The following TFDP1 variants were observed in gnomAD, a reference collection of about 807,000 sequenced individuals.
The protein encoded by TFDP1 is DRTF1-polypeptide 1.
In TFDP1, 6 loss-of-function variants were observed where a neutral mutation model predicts 48.0. The ratio of observed to expected loss-of-function variants is 0.13; its 90% CI spans 0.07 to 0.25. The LOEUF is 0.25. Ranked by LOEUF, TFDP1 falls within the 10% of genes least tolerant of loss-of-function variation. The pLI is 1.00. For missense variants in TFDP1, 335 were observed against 543.0 expected (o/e 0.62, Z 3.81); for synonymous variants, 201 against 211.6 (o/e 0.95, Z 0.44).
chr13:113,609,096 C>T (rs934886012), intron 2 of TFDP1, among the ~76,000 whole-genome samples: 2 of 152,266 alleles, frequency 1.3e-5, no homozygotes, highest in Non-Finnish European at 2.9e-5. Context: ...GCCAGCGTAG[C>T]CCTCTGCGGG....
intron 9 of TFDP1, 21 bp downstream of exon 9, chr13:113,636,149 T>C (rs768438285): frequency 6.2e-7 from 1 of 1,612,498 alleles, no homozygotes; most frequent in Non-Finnish European, 8.5e-7. Flanking sequence ...GGCGGGGAGC[T>C]GTTCCCTGGT....
intron 2 of TFDP1, among the ~76,000 whole-genome samples, chr13:113,591,186 A>G (rs963841532): frequency 1.3e-5 from 2 of 149,470 alleles, no homozygotes; most frequent in African/African-American, 4.9e-5. Context: ...TACTAAACAT[A>G]CAGAAATTAG....
At chr13:113,593,566 C>T (rs1186620473) in intron 2 of TFDP1, among the ~76,000 whole-genome samples, 11 of 144,440 alleles carry the variant, frequency 7.6e-5, no homozygotes, top group African/African-American at 1.9e-4. Context: ...GGTCCTCAGC[C>T]GTGCCCAGGT....
intron 2 of TFDP1, among the ~76,000 whole-genome samples, chr13:113,605,416 T>A (rs1021947622): frequency 6.6e-6 from 1 of 152,224 alleles, no homozygotes; most frequent in Admixed American, 6.5e-5. Context: ...GTATTACTTA[T>A]CTATTGCTGT....
At chr13:113,634,374 A>G (rs1184664037) in intron 7 of TFDP1, 160 bp from the exon 8 acceptor site, 6 of 676,660 alleles carry the variant, frequency 8.9e-6, no homozygotes, top group Non-Finnish European at 1.3e-5. Flanking sequence ...AAACTCACCT[A>G]TATCTTGTAG....
At chr13:113,618,878 C>T (rs867114843) in intron 3 of TFDP1, among the ~76,000 whole-genome samples, 4 of 152,166 alleles carry the variant, frequency 2.6e-5, no homozygotes, top group Non-Finnish European at 4.4e-5. Flanking sequence ...TTGCAGAATG[C>T]GAGCCATATA....
At position 113,601,997 on chromosome 13, in the gene TFDP1, C is replaced by T. The variant is rs112317277; in HGVS notation, c.13-8999C>T. ...CGGACAGAGGAGGGACGGAGCTACCCGCAGGAGTCGAGGGAGGAGCGGACA... is the reference window on the plus strand; with the variant it reads ...CGGACAGAGGAGGGACGGAGCTACCTGCAGGAGTCGAGGGAGGAGCGGACA... On this transcript the variant is annotated intron_variant, in intron 2 of 11. Transcript: ENST00000375370. 4.5e-3 allele frequency among the ~76,000 whole-genome samples: 675 copies of T among 151,134 alleles called. 1 individual carries two copies. The highest frequency in any genetic ancestry group is 0.01 in the Middle Eastern group (3 of 288).
At chr13:113,605,659 C>T (rs149713084) in intron 2 of TFDP1, among the ~76,000 whole-genome samples, 326 of 152,348 alleles carry the variant, frequency 2.1e-3, no homozygotes, top group African/African-American at 7.7e-3. Context: ...GCACCAGGAC[C>T]ACCTCAGGGC....
At position 113,598,668 on chromosome 13, in the gene TFDP1, C is replaced by A. The variant is rs1380020334; in HGVS notation, c.13-12328C>A. 1.3e-5 allele frequency among the ~76,000 whole-genome samples: 2 copies of A among 152,232 alleles called. No individual in the cohort carries two copies. The highest frequency in any genetic ancestry group is 4.8e-5 in the African/African-American group (2 of 41,458). On this transcript the variant is annotated intron_variant, in intron 2 of 11. Coordinates refer to ENST00000375370, the MANE Select transcript of TFDP1 (RefSeq NM_007111.5). This position sits in a 1 kb window ranked among gnomAD's most constrained non-coding sequence, Gnocchi z 4.2. ...CCTGAGGACCTGGGGTTCGTGTTGC[C>A]CTCCTGGGTGGAGTCTGCGTCCCCC...
At chr13:113,592,904 A>G (rs967429521) in intron 2 of TFDP1, among the ~76,000 whole-genome samples, 3 of 151,530 alleles carry the variant, frequency 2.0e-5, no homozygotes, top group Non-Finnish European at 4.4e-5. Context: ...TGCCCAGGTG[A>G]CAGGTGTGCT....
intron 11 of TFDP1, 109 bp downstream of exon 11, chr13:113,638,005 C>T (rs1038990645): frequency 1.8e-5 from 26 of 1,427,680 alleles, no homozygotes; most frequent in Non-Finnish European, 2.5e-5. Flanking sequence ...TGTGGCTGCT[C>T]TGACGTGGCT....
At chr13:113,625,349 C>T (rs368720140) in intron 4 of TFDP1, among the ~76,000 whole-genome samples, 972 of 75,718 alleles carry the variant, frequency 0.013, no homozygotes, top group Admixed American at 0.025. Flanking sequence ...TGTCCTCAGG[C>T]GTCTCTCACG....
rs558364258 is a variant in TFDP1, at chr13:113,606,150, C to T, written c.13-4846C>T. ...TGCAGGGGATCCTGTGGGAAGGCGG[C>T]GCGGTGATGAGTGTCCGCAGGGGAT... On this transcript the variant is annotated intron_variant, in intron 2 of 11. Transcript: ENST00000375370. Among the ~76,000 whole-genome samples the T allele has an allele frequency of 7.9e-4, 111 of 140,162 alleles. 1 individual carries two copies. The highest frequency in any genetic ancestry group is 2.4e-3 in the African/African-American group (89 of 36,738). 92.0% of individuals were successfully genotyped at this position (140,162 alleles called of 152,430 possible).
chr13:113,585,526 G>A (rs2047980039), intron 1 of TFDP1: 2 of 254,734 alleles, frequency 7.9e-6, no homozygotes, highest in South Asian at 1.5e-4. Context: ...GGGCCGTCGG[G>A]GACCTGGGGG....
intron 2 of TFDP1, among the ~76,000 whole-genome samples, chr13:113,602,692 A>G (rs1203733364): frequency 2.0e-5 from 3 of 152,204 alleles, no homozygotes; most frequent in Non-Finnish European, 4.4e-5. Flanking sequence ...TGGCTGTGAC[A>G]GAGACTGGGT....
chr13:113,640,269 G>A lies in TFDP1; in HGVS notation c.*2G>A, dbSNP rs150466630. The A allele has an allele frequency of 2.6e-4, 422 of 1,609,860 alleles. 1 individual carries two copies. Among genetic ancestry groups the A allele is most frequent in the Non-Finnish European group, 3.1e-4 (364 of 1,178,764 alleles). ...AACGAGAATGACGAGGACGACTGAC[G>A]TCCTCCCCACTTCAGATTCGGCTTC... On this transcript the variant is annotated 3_prime_UTR_variant, in exon 12 of 12. Transcript: ENST00000375370.
intron 2 of TFDP1, among the ~76,000 whole-genome samples, chr13:113,589,543 G>C (rs562859623): frequency 2.0e-4 from 31 of 152,316 alleles, no homozygotes; most frequent in African/African-American, 7.5e-4. Flanking sequence ...TTGAGTTTCT[G>C]AACTGTCCTC....
At chr13:113,628,574 G>A (rs75996554) in intron 4 of TFDP1, among the ~76,000 whole-genome samples, 3,594 of 152,318 alleles carry the variant, frequency 0.024, 133 homozygotes, top group African/African-American at 0.081. Context: ...TGGATCTCCT[G>A]GAAAGCCCTG....
intron 2 of TFDP1, among the ~76,000 whole-genome samples, chr13:113,603,042 C>T (rs936058018): frequency 1.3e-5 from 2 of 151,428 alleles, no homozygotes; most frequent in Non-Finnish European, 2.9e-5. Context: ...GGACCACATG[C>T]AGCCTGCAGG....
Sources: gnomAD v4.1 joint callset for allele counts (sites outside exome capture counted in the v4.1 genomes callset) on GRCh38, gnomAD v4.1.1 for gene constraint, Gnocchi (gnomAD v3.1) non-coding constraint, MANE v1.5 for transcripts, NCBI Gene and HGNC (gene_info 2026-07-23, HGNC 2026-07-21) for gene names.